The following CLPTM1L variants were observed in gnomAD, a reference collection of about 807,000 sequenced individuals.
The protein encoded by CLPTM1L is CLPTM1 like, also known as lipid scramblase CLPTM1L.
CLPTM1L carries 38 observed loss-of-function variants against 70.9 expected under a neutral mutation model. That is an observed-to-expected ratio of 0.54 (90% CI 0.41 to 0.70). The LOEUF is 0.70. CLPTM1L is among the 30% of genes least tolerant of loss of function. The probability of loss-of-function intolerance (pLI) is 0.00; values close to 1 mark genes in which losing one functional copy is unlikely to be tolerated. For synonymous variants in CLPTM1L, 339 were observed against 299.9 expected (o/e 1.13, Z -1.35); for missense variants, 652 against 705.9 (o/e 0.92, Z 0.87).
intron 10 of CLPTM1L, 58 bp downstream of exon 10, chr5:1,325,693 G>C: frequency 6.8e-7 from 1 of 1,460,348 alleles, no homozygotes; most frequent in South Asian, 1.1e-5. Flanking sequence ...TTTGCACAGG[G>C]GGCAAAATCA....
In CLPTM1L at chr5:1,344,859, C is replaced by A; in HGVS notation, c.-18G>T. The A allele has an allele frequency of 2.8e-6, 4 of 1,407,042 alleles. No individual in the cohort carries two copies. Among genetic ancestry groups the A allele is most frequent in the Non-Finnish European group, 3.7e-6 (4 of 1,073,514 alleles). 87.2% of individuals were successfully genotyped at this position (1,407,042 alleles called of 1,614,324 possible). A position where few individuals can be genotyped will look rare whatever the true frequency, so the allele number is the denominator to read the frequency against. On this transcript the variant is annotated 5_prime_UTR_variant, in exon 1 of 17. Transcript: ENST00000320895. ...CTCCACATGGCGGCCCCGCGCCCGG[C>A]GCCCCCGGCCCGCCCGCCTCTCAGC...
chr5:1,339,947 C>T (rs1419309166), intron 3 of CLPTM1L, among the ~76,000 whole-genome samples: 1 of 151,058 alleles, frequency 6.6e-6, no homozygotes, highest in Non-Finnish European at 1.5e-5. Flanking sequence ...ATGGAAAAAC[C>T]GCGCCCGGAC....
intron 9 of CLPTM1L, chr5:1,326,292 C>T (rs762028422): frequency 1.2e-5 from 3 of 252,322 alleles, no homozygotes; most frequent in East Asian, 1.3e-4. Context: ...GGAGCTCCAG[C>T]GTCATTTCAT....
At chr5:1,330,718 T>G in intron 8 of CLPTM1L, 1 of 316,834 alleles carries the variant, frequency 3.2e-6, no homozygotes, top group Non-Finnish European at 5.8e-6. Flanking sequence ...GCCAGTTCTG[T>G]GATAAGTGCG....
intron 11 of CLPTM1L, chr5:1,324,133 A>C (rs980833529): frequency 2.1e-5 from 11 of 524,268 alleles, no homozygotes; most frequent in Admixed American, 3.4e-5. Flanking sequence ...GTTGGTCAAA[A>C]CCAACCAACC....
intron 12 of CLPTM1L, among the ~76,000 whole-genome samples, 191 bp downstream of exon 12, chr5:1,323,595 TA>T (rs1752317760): frequency 6.6e-6 from 1 of 152,264 alleles, no homozygotes; most frequent in African/African-American, 2.4e-5. Context: ...TCCTCTCAGC[TA>T]CACCTTACCA....
chr5:1,320,375 C>T, intron 16 of CLPTM1L: 1 of 417,564 alleles, frequency 2.4e-6, no homozygotes, highest in South Asian at 6.5e-5. Context: ...CAATAATTCA[C>T]ATAGAAACGA....
chr5:1,338,745 A>T, intron 4 of CLPTM1L, 115 bp downstream of exon 4: 1 of 1,221,366 alleles, frequency 8.2e-7, no homozygotes, highest in Non-Finnish European at 1.2e-6. Flanking sequence ...CCCGGGCAGC[A>T]AGTGCCTCCC....
chr5:1,341,156 T>A (rs1394503340), intron 3 of CLPTM1L, among the ~76,000 whole-genome samples: 6 of 152,242 alleles, frequency 3.9e-5, no homozygotes, highest in African/African-American at 1.2e-4. Flanking sequence ...CATGATCACT[T>A]AAGTGACTTC....
chr5:1,344,528 G>C, intron 1 of CLPTM1L, 77 bp from the exon 2 acceptor site: 1 of 1,496,382 alleles, frequency 6.7e-7, no homozygotes, highest in South Asian at 1.1e-5. Context: ...GCCAGCTGGA[G>C]GGCGGAAGAC....
intron 16 of CLPTM1L, among the ~76,000 whole-genome samples, chr5:1,319,214 G>A (rs1307719849): frequency 1.3e-5 from 2 of 152,178 alleles, no homozygotes; most frequent in South Asian, 2.1e-4. Flanking sequence ...GGGGGCAGGC[G>A]GCCAGCTGGG....
Position 1,340,315 on chromosome 5 carries a change from G to C in CLPTM1L, c.454-1310C>G, listed in dbSNP as rs1197583522. 2.6e-5 allele frequency among the ~76,000 whole-genome samples: 4 copies of C among 152,172 alleles called. 1 individual carries two copies. Among genetic ancestry groups the C allele is most frequent in the Admixed American group, 2.6e-4 (4 of 15,286 alleles). ...CTTCTAAAACCAAGCATGTGGGGCT[G>C]CCTAAAGGAGACATACTGAGGATTA... On this transcript the variant is annotated intron_variant, in intron 3 of 16. Transcript: ENST00000320895.
chr5:1,341,973 T>A, intron 2 of CLPTM1L, 113 bp from the exon 3 acceptor site: 1 of 847,986 alleles, frequency 1.2e-6, no homozygotes, highest in Non-Finnish European at 1.8e-6. Flanking sequence ...TCAGAAGTAC[T>A]AAAAATGAAA....
intron 5 of CLPTM1L, among the ~76,000 whole-genome samples, 196 bp from the exon 6 acceptor site, chr5:1,335,370 A>G (rs936311171): frequency 6.6e-6 from 1 of 152,190 alleles, no homozygotes; most frequent in Non-Finnish European, 1.5e-5. Flanking sequence ...GCGTTCCAGC[A>G]CAGGGAGGTT....
intron 9 of CLPTM1L, among the ~76,000 whole-genome samples, chr5:1,328,885 C>CCATCCAGCTCCTCCTCTACAGACACATTT (rs1561237532): frequency 3.3e-4 from 45 of 137,160 alleles, no homozygotes; most frequent in Admixed American, 1.3e-3. Flanking sequence ...CAGACACATT[C>CCATCCAGCTCCTCCTCTACAGACACATTT]CATCCAGCTC....
Position 1,331,883 on chromosome 5 carries a change from G to C in CLPTM1L, c.892C>G (p.Leu298Val), listed in dbSNP as rs1450137366. ...TTAAAGGCCAGGAAATCAAAGAGAA[G>C]CTAGAGAGAACACACACGACAGCAA... Reference protein sequence around the residue: ...ALTFFVAAFHLLFDFLAFKND... With the variant: ...ALTFFVAAFHVLFDFLAFKND... Residue 298 changes from leucine (L) to valine (V), a missense_variant and splice_region_variant, in exon 8 of 17, where the codon CTT becomes GTT. Around this residue, in one of 3 missense-constraint regions of CLPTM1L, gnomAD observed 402 missense variants for 388.2 expected, o/e 1.04. Coordinates refer to ENST00000320895, the MANE Select transcript of CLPTM1L (RefSeq NM_030782.5). The C allele has an allele frequency of 6.2e-7, 1 of 1,612,912 alleles. No individual in the cohort carries two copies. Among genetic ancestry groups the C allele is most frequent in the Admixed American group, 1.7e-5 (1 of 60,022 alleles).
chr5:1,338,018 A>G, intron 4 of CLPTM1L, 36 bp from the exon 5 acceptor site: 1 of 1,545,036 alleles, frequency 6.5e-7, no homozygotes, highest in Non-Finnish European at 8.8e-7. Flanking sequence ...AGTCAGCACC[A>G]AGGCTTTTAC....
rs952234952 is a variant in CLPTM1L, at chr5:1,320,631, T to C, written c.1517A>G (p.Tyr506Cys). Residue 506 changes from tyrosine to cysteine, a missense_variant, in exon 16 of 17, where the codon TAC (tyrosine) becomes TGC (cysteine). Around this residue, in one of 3 missense-constraint regions of CLPTM1L, gnomAD observed 240 missense variants for 295.0 expected, o/e 0.81. Transcript: ENST00000320895. ...CCGCACTCACCACCGCTGGTACAGG[T>C]AGACCAGAAACACCACGTCGTCCCG... ...CFRDDVVFLV[Y>C]LYQRWLYPVD... 9.1e-6 allele frequency: 14 copies of C among 1,542,016 alleles called. No individual in the cohort carries two copies. The highest frequency in any genetic ancestry group is 1.4e-5 in the African/African-American group (1 of 72,898).
At chr5:1,321,844 C>A (rs773826337) in intron 13 of CLPTM1L, 25 bp from the exon 14 acceptor site, 2 of 1,607,786 alleles carry the variant, frequency 1.2e-6, no homozygotes, top group Non-Finnish European at 8.5e-7. Flanking sequence ...ACAGCACTCA[C>A]GAGGTGCGGA....
Sources: gnomAD v4.1 joint callset for allele counts (sites outside exome capture counted in the v4.1 genomes callset) on GRCh38, gnomAD v4.1.1 for gene constraint, gnomAD v4.1.1 regional missense constraint, MANE v1.5 for transcripts, NCBI Gene and HGNC (gene_info 2026-07-23, HGNC 2026-07-21) for gene names.